Variants in FOXP1 observed in about 807,000 individuals in gnomAD.
The protein encoded by FOXP1 is forkhead box protein P1.
In FOXP1, 15 loss-of-function variants were observed where a neutral mutation model predicts 98.2. The observed-to-expected ratio is 0.15, with a 90% CI of 0.10 to 0.24. FOXP1 has a LOEUF of 0.24. Ranked by LOEUF, FOXP1 falls within the 10% of genes least tolerant of loss-of-function variation. The pLI is 1.00. For synonymous variants in FOXP1, 371 were observed against 314.5 expected (o/e 1.18, Z -1.90); for missense variants, 633 against 848.5 (o/e 0.75, Z 3.15).
At chr3:71,527,672 T>C (rs997313924) in intron 2 of FOXP1, among the ~76,000 whole-genome samples, 2 of 152,156 alleles carry the variant, frequency 1.3e-5, no homozygotes, top group Non-Finnish European at 2.9e-5. Context: ...AATTAAGTAT[T>C]AGAATTTTTC....
At chr3:70,962,848 T>C (rs928279746) in intron 20 of FOXP1, among the ~76,000 whole-genome samples, 1 of 152,202 alleles carries the variant, frequency 6.6e-6, no homozygotes, top group African/African-American at 2.4e-5. Flanking sequence ...AATGAAGTTC[T>C]TGCTGTATAA....
Position 70,957,751 on chromosome 3 carries a change from G to A in FOXP1, c.*1496C>T. 1 of 233,616 alleles carries A rather than the reference G, an allele frequency of 4.3e-6. No homozygotes were observed. Among genetic ancestry groups the A allele is most frequent in the East Asian group, 6.0e-5 (1 of 16,560 alleles). 14.5% of individuals were successfully genotyped at this position (233,616 alleles called of 1,614,324 possible). ...TACATGATATCTTCTATGAGTTTTT[G>A]TGATACTGGGTTGGTGATATAATAT... is the stretch of plus-strand genomic sequence containing the variant. On this transcript the variant is annotated 3_prime_UTR_variant, in exon 21 of 21. Coordinates refer to ENST00000649528, the MANE Select transcript of FOXP1 (RefSeq NM_001349338.3).
At chr3:71,174,827 C>CACACACACACACA (rs1553767955) in intron 6 of FOXP1, among the ~76,000 whole-genome samples, 14 of 142,304 alleles carry the variant, frequency 9.8e-5, no homozygotes, top group African/African-American at 1.1e-4. Flanking sequence ...CACACACACA[C>CACACACACACACA]CCCAATATAC....
chr3:71,290,650 C>T lies in FOXP1; in HGVS notation c.-12+9170G>A, dbSNP rs144638971. ...ATAAGAATATAAAAAGCCCTAATGC[C>T]CTACTCAGTCTGGCCCTGTTACACT... On this transcript the variant is annotated intron_variant, in intron 5 of 20. Transcript: ENST00000649528. 1.9e-3 allele frequency among the ~76,000 whole-genome samples: 290 copies of T among 152,260 alleles called. 1 individual carries two copies. The highest frequency in any genetic ancestry group is 3.2e-3 in the Non-Finnish European group (218 of 68,012).
intron 6 of FOXP1, among the ~76,000 whole-genome samples, chr3:71,115,317 T>TTATTTTATTTATTTATTTATTTA (rs1553745321): frequency 1.4e-5 from 2 of 144,140 alleles, no homozygotes; most frequent in East Asian, 4.1e-4. Context: ...ATTATTATTA[T>TTATTTTATTTATTTATTTATTTA]TTTATTTATT....
intron 20 of FOXP1, among the ~76,000 whole-genome samples, chr3:70,960,230 A>G (rs1033105037): frequency 6.6e-6 from 1 of 152,208 alleles, no homozygotes; most frequent in African/African-American, 2.4e-5. Flanking sequence ...CTGCCAGGAA[A>G]CACAAACGTA....
intron 3 of FOXP1, among the ~76,000 whole-genome samples, chr3:71,436,456 A>G (rs1212560206): frequency 7.0e-6 from 1 of 142,514 alleles, no homozygotes; most frequent in African/African-American, 2.7e-5. Flanking sequence ...TTCTGGATTT[A>G]ACACTGCAGT....
At chr3:71,514,626 G>T (rs60135207) in intron 2 of FOXP1, among the ~76,000 whole-genome samples, 48,540 of 152,086 alleles carry the variant, frequency 0.32, 8,903 homozygotes, top group Non-Finnish European at 0.42. Flanking sequence ...TTCTGTGAAG[G>T]CTCTCCCCCC....
intron 2 of FOXP1, among the ~76,000 whole-genome samples, chr3:71,547,960 G>A (rs2045491052): frequency 6.6e-6 from 1 of 152,216 alleles, no homozygotes; most frequent in African/African-American, 2.4e-5. Flanking sequence ...GACTTAGCCA[G>A]CCCCAGGTCA....
chr3:71,039,596 G>A (rs1040065247), intron 11 of FOXP1, among the ~76,000 whole-genome samples: 10 of 152,200 alleles, frequency 6.6e-5, no homozygotes, highest in South Asian at 4.1e-4. Flanking sequence ...ATCAGTCGGC[G>A]TTTTTCAGTG....
intron 5 of FOXP1, among the ~76,000 whole-genome samples, chr3:71,234,815 C>T (rs1268600468): frequency 6.6e-6 from 1 of 151,986 alleles, no homozygotes; most frequent in Non-Finnish European, 1.5e-5. Flanking sequence ...AGCCAGTGGC[C>T]CAGAGATAGA....
intron 3 of FOXP1, among the ~76,000 whole-genome samples, chr3:71,481,759 G>A (rs1577751592): frequency 6.6e-6 from 1 of 152,076 alleles, no homozygotes; most frequent in Middle Eastern, 3.4e-3. Context: ...TACCTTTCTT[G>A]AGAAACACCC....
In FOXP1 at chr3:71,010,841, C is replaced by A. The variant is rs76894749; in HGVS notation, c.974+4708G>T. On this transcript the variant is annotated intron_variant, in intron 12 of 20. Transcript: ENST00000649528. ...GATGACAATAACCCCCCCTCCCCCC[C>A]CACCCAGTGAGATCATTCAAAGAAG... 8.8e-3 allele frequency among the ~76,000 whole-genome samples: 1,317 copies of A among 149,054 alleles called. 3 individuals carry two copies. The highest frequency in any genetic ancestry group is 0.014 in the Non-Finnish European group (914 of 67,232).
At chr3:71,249,867 T>A (rs559639660) in intron 5 of FOXP1, among the ~76,000 whole-genome samples, 1 of 152,304 alleles carries the variant, frequency 6.6e-6, no homozygotes. Context: ...AGACTCCCCA[T>A]GCAGCCCAGT....
At position 70,957,356 on chromosome 3, in the gene FOXP1, C is replaced by A. The variant is rs1036851146; in HGVS notation, c.*1891G>T. ...TTATCTACTTGGTCTTCTAAATTTA[C>A]GATGAAGGAGCAGTTCTCTTTCTCA... is the stretch of plus-strand genomic sequence containing the variant. On this transcript the variant is annotated 3_prime_UTR_variant, in exon 21 of 21. Coordinates refer to ENST00000649528, the MANE Select transcript of FOXP1 (RefSeq NM_001349338.3). The A allele has an allele frequency of 4.4e-6, 1 of 228,346 alleles. No individual in the cohort carries two copies. 14.1% of individuals were successfully genotyped at this position (228,346 alleles called of 1,614,324 possible).
intron 4 of FOXP1, among the ~76,000 whole-genome samples, chr3:71,344,205 G>A (rs1224435702): frequency 6.6e-6 from 1 of 152,192 alleles, no homozygotes; most frequent in Non-Finnish European, 1.5e-5. Context: ...AGGGATACGA[G>A]TATTTAATTT....
At chr3:71,150,424 C>T (rs759886900) in intron 6 of FOXP1, among the ~76,000 whole-genome samples, 10 of 151,866 alleles carry the variant, frequency 6.6e-5, no homozygotes, top group Non-Finnish European at 8.8e-5. Flanking sequence ...TGTGTCTATC[C>T]GCCACTTCTC....
chr3:71,276,251 C>T (rs751479858), intron 5 of FOXP1: 4 of 152,002 alleles, frequency 2.6e-5, no homozygotes, highest in Non-Finnish European at 2.9e-5. Context: ...GTTTTCTGGA[C>T]GAAGAATCAG....
At chr3:71,259,239 G>A (rs939680721) in intron 5 of FOXP1, among the ~76,000 whole-genome samples, 1 of 152,212 alleles carries the variant, frequency 6.6e-6, no homozygotes, top group Non-Finnish European at 1.5e-5. Flanking sequence ...GAACCCAGAA[G>A]AGCCCAAGCT....
Sources: allele counts gnomAD v4.1 joint callset (sites outside exome capture counted in the v4.1 genomes callset), GRCh38; gene constraint gnomAD v4.1.1; transcripts MANE v1.5; gene names NCBI Gene and HGNC (gene_info 2026-07-23, HGNC 2026-07-21).